SPTBN5: variants seen among roughly 807,000 people sequenced by gnomAD.
SPTBN5 encodes spectrin beta, non-erythrocytic 5.
SPTBN5 carries 513 observed loss-of-function variants against 477.6 expected under a neutral mutation model. The ratio of observed to expected loss-of-function variants is 1.07; its 90% CI spans 1.00 to 1.16. SPTBN5 has a LOEUF of 1.16. Among genes scored for constraint, SPTBN5 ranks in the 50% most tolerant of loss-of-function variants. The probability of loss-of-function intolerance (pLI) is 0.00; values close to 1 mark genes in which losing one functional copy is unlikely to be tolerated. For missense variants in SPTBN5, 5,062 were observed against 4,731.8 expected (o/e 1.07, Z -2.05); for synonymous variants, 2,169 against 2,011.7 (o/e 1.08, Z -2.09).
rs372580131 is a variant in SPTBN5, at chr15:41,851,139, G to A, written c.10755C>T (p.Ser3585=). The change falls in exon 65 of 68, where the codon TCC becomes TCT. Residue 3585 remains serine (S), a synonymous_variant. Coordinates refer to ENST00000320955, the MANE Select transcript of SPTBN5 (RefSeq NM_016642.4). The part of the protein sequence containing the change: ...DERMAAEKVA[S]IALLDLTGAR... The stretch of plus-strand genomic sequence containing the variant: ...CTCCCGTGAGGTCAAGGAGGGCTAT[G>A]GAAGCTACTTTCTGAGGAGAGATGA... The A allele has an allele frequency of 6.7e-5, 108 of 1,613,042 alleles. No homozygotes were observed. Among genetic ancestry groups the A allele is most frequent in the Non-Finnish European group, 8.7e-5 (103 of 1,179,772 alleles).
chr15:41,850,917 G>C lies in SPTBN5; in HGVS notation c.10858C>G (p.Leu3620Val), dbSNP rs573942893. Residue 3620 changes from leucine to valine, a missense_variant, in exon 66 of 68, where the codon CTG becomes GTG. Physicochemically the swap from Leu to Val is conservative, Grantham distance 32. Transcript: ENST00000320955. ...TGCTCTTCGGACGGTGCTGCAAACAGGATCTCTGCCCCACTGGTCAGCCTG... is the reference window on the plus strand; with the variant it reads ...TGCTCTTCGGACGGTGCTGCAAACACGATCTCTGCCCCACTGGTCAGCCTG... ...SLRLTSGAEI[L>V]FAAPSEEQAE... The C allele has an allele frequency of 1.4e-5, 22 of 1,601,556 alleles. No individual in the cohort carries two copies. The highest frequency in any genetic ancestry group is 1.8e-5 in the Non-Finnish European group (21 of 1,175,782).
At chr15:41,870,136 A>C in intron 31 of SPTBN5, 107 bp downstream of exon 31, 1 of 1,453,818 alleles carries the variant, frequency 6.9e-7, no homozygotes, top group Non-Finnish European at 9.1e-7. Flanking sequence ...CATGCACAGG[A>C]GGCCCATGGG....
rs761813223 is a variant in SPTBN5, at chr15:41,848,586, C to T, written c.*30G>A. The T allele has an allele frequency of 6.2e-7, 1 of 1,613,852 alleles. No homozygotes were observed. Among genetic ancestry groups the T allele is most frequent in the South Asian group, 1.1e-5 (1 of 91,074 alleles). The stretch of plus-strand genomic sequence containing the variant: ...CTTAGATGTGTCCTCGCTTGTGCCC[C>T]TGAAGTTTGGTGTTGCACTGGGGTT... On this transcript the variant is annotated 3_prime_UTR_variant, in exon 68 of 68. Coordinates refer to ENST00000320955, the MANE Select transcript of SPTBN5 (RefSeq NM_016642.4).
At chr15:41,874,757 ACC>A in intron 23 of SPTBN5, 83 bp downstream of exon 23, 1 of 1,374,764 alleles carries the variant, frequency 7.3e-7, no homozygotes, top group African/African-American at 1.4e-5. Context: ...AGGTCTGGAC[ACC>A]CCGGTCCTGT....
rs947342621 is a variant in SPTBN5 at position 41,885,940 on chromosome 15, C to T, written c.1315G>A (p.Glu439Lys). Residue 439 changes from glutamate to lysine, a missense_variant, in exon 7 of 68, where the codon GAG becomes AAG. By Grantham distance (56) the Glu-to-Lys change is moderately conservative. Transcript: ENST00000320955. ...TGCTCTGCATCCTTAAGGAAACTCT[C>T]CCGGAGGGCTGCCTTGTGCTGGAAG... ...RRFQHKAALR[E>K]SFLKDAEQVL... 1.3e-6 allele frequency: 2 copies of T among 1,571,772 alleles called. No individual in the cohort carries two copies.
At position 41,855,260 on chromosome 15, in the gene SPTBN5, C is replaced by T; in HGVS notation, c.9387G>A (p.Glu3129=). 1 of 1,612,506 alleles carries T rather than the reference C, an allele frequency of 6.2e-7. No homozygotes were observed. Among genetic ancestry groups the T allele is most frequent in the Non-Finnish European group, 8.5e-7 (1 of 1,179,694 alleles). Residue 3129 remains glutamate (E), a synonymous_variant, in exon 55 of 68, where the codon GAG becomes GAA. Transcript: ENST00000320955. ...CCAGGTCCTGCCCGTAGTCCTGGGA[C>T]TCGGCGGTGGCCGCCTTGGTGGTCA... is the stretch of plus-strand genomic sequence containing the variant. ...AWLTTKAATA[E]SQDYGQDLEG...
In SPTBN5 at chr15:41,860,681, C is replaced by T. The variant is rs1469261945; in HGVS notation, c.7893G>A (p.Lys2631=). The T allele has an allele frequency of 5.7e-6, 9 of 1,587,796 alleles. No individual in the cohort carries two copies. The highest frequency in any genetic ancestry group is 6.9e-6 in the Non-Finnish European group (8 of 1,167,674). ...LEWDLEVQAG[K]ISALEATARG... is the part of the protein sequence containing the mutation. ...GGGCCGTGGCCTCCAGAGCACTGAT[C>T]TTTCCCGCCTGCACCTCCAGGTCCC... Residue 2631 remains lysine (K), a synonymous_variant, in exon 47 of 68, where the codon AAG becomes AAA. Coordinates refer to ENST00000320955, the MANE Select transcript of SPTBN5 (RefSeq NM_016642.4).
rs1337456091 is a variant in SPTBN5 at position 41,848,588 on chromosome 15, G to GAAGT, written c.*24_*27dup. The GAAGT allele has an allele frequency of 1.9e-6, 3 of 1,613,826 alleles. No homozygotes were observed. The highest frequency in any genetic ancestry group is 1.1e-5 in the South Asian group (1 of 91,074). On this transcript the variant is annotated 3_prime_UTR_variant, in exon 68 of 68. Coordinates refer to ENST00000320955, the MANE Select transcript of SPTBN5 (RefSeq NM_016642.4). Reference sequence around the variant, plus strand: ...TAGATGTGTCCTCGCTTGTGCCCCTGAAGTTTGGTGTTGCACTGGGGTTCA... The same window carrying GAAGT: ...TAGATGTGTCCTCGCTTGTGCCCCTGAAGTAAGTTTGGTGTTGCACTGGGGTTCA...
chr15:41,866,123 A>G lies in SPTBN5; in HGVS notation c.6737T>C (p.Leu2246Pro). 6.4e-7 allele frequency: 1 copy of G among 1,558,774 alleles called. No homozygotes were observed. Among genetic ancestry groups the G allele is most frequent in the Non-Finnish European group, 8.7e-7 (1 of 1,152,140 alleles). Residue 2246 changes from leucine to proline, a missense_variant, in exon 38 of 68, where the codon CTC (leucine) becomes CCC (proline). By Grantham distance (98) the Leu-to-Pro change is moderately conservative. Transcript: ENST00000320955. ...CCTGTCCTCCAGCTCCTGGCCCCTG[A>G]GGGCCATTGCCTGCCTCAGGTCCTC... ...HWEDLRQAMA[L>P]RGQELEDRRN... is the part of the protein sequence containing the mutation.
At chr15:41,884,366 C>G (rs915490460) in intron 7 of SPTBN5, among the ~76,000 whole-genome samples, 1 of 151,972 alleles carries the variant, frequency 6.6e-6, no homozygotes, top group Non-Finnish European at 1.5e-5. Context: ...GTGATCCACC[C>G]GCCTTGGCCT....
intron 29 of SPTBN5, 22 bp from the exon 30 acceptor site, chr15:41,870,582 C>A (rs776086922): frequency 6.3e-7 from 1 of 1,591,070 alleles, no homozygotes; most frequent in South Asian, 1.1e-5. Flanking sequence ...GTGTGGAAGA[C>A]CAGCCGGGGA....
At chr15:41,857,868 C>G (rs1362807023) in intron 49 of SPTBN5, among the ~76,000 whole-genome samples, 158 bp from the exon 50 acceptor site, 1 of 152,192 alleles carries the variant, frequency 6.6e-6, no homozygotes, top group African/African-American at 2.4e-5. Context: ...TTTTCCTCAT[C>G]CGTATCATAG....
Position 41,882,265 on chromosome 15 carries a change from C to A in SPTBN5, c.2247+4G>T. 1 of 1,475,074 alleles carries A rather than the reference C, an allele frequency of 6.8e-7. No homozygotes were observed. Among genetic ancestry groups the A allele is most frequent in the South Asian group, 1.3e-5 (1 of 76,738 alleles). The allele number at this position is 1,475,074 out of a possible 1,614,324, so 91.4% of individuals were successfully genotyped here. On this transcript the variant is annotated splice_donor_region_variant and intron_variant, in intron 11 of 67. Coordinates refer to ENST00000320955, the MANE Select transcript of SPTBN5 (RefSeq NM_016642.4). ...CCCACCCCGCCTCCACCCCTCCCCA[C>A]TACCTGCAGGACCAGCAGGGCTGTC...
intron 17 of SPTBN5, 80 bp downstream of exon 17, chr15:41,878,262 T>G: frequency 6.6e-7 from 1 of 1,511,516 alleles, no homozygotes; most frequent in South Asian, 1.3e-5. Flanking sequence ...ACTTCCCGCA[T>G]GCTCTTTCTG....
At chr15:41,892,261 C>T (rs970055078) in intron 3 of SPTBN5, among the ~76,000 whole-genome samples, 5 of 152,186 alleles carry the variant, frequency 3.3e-5, no homozygotes, top group African/African-American at 1.2e-4. Context: ...GAGCCCTTGG[C>T]CTTCACAGTT....
chr15:41,856,752 C>T, intron 52 of SPTBN5, 101 bp downstream of exon 52: 1 of 1,380,984 alleles, frequency 7.2e-7, no homozygotes, highest in Non-Finnish European at 9.7e-7. Context: ...CAAAAGCCCC[C>T]ACAGGCAGAG....
At position 41,857,392 on chromosome 15, in the gene SPTBN5, C is replaced by A. The variant is rs912680802; in HGVS notation, c.8467G>T (p.Gly2823Cys). ...TCCCTCTGTGTGCCCAGGAGCTCGC[C>A]CACCCCAGGCAGGGCCTGGCCCACA... ...PTVGQALPGV[G>C]ELLGTQRELE... The change falls in exon 51 of 68, where the codon GGC becomes TGC. Residue 2823 changes from glycine (G) to cysteine (C), a missense_variant. Coordinates refer to ENST00000320955, the MANE Select transcript of SPTBN5 (RefSeq NM_016642.4). 1.4e-5 allele frequency: 22 copies of A among 1,586,064 alleles called. No individual in the cohort carries two copies. Among genetic ancestry groups the A allele is most frequent in the Non-Finnish European group, 1.9e-5 (22 of 1,166,310 alleles).
In SPTBN5 at chr15:41,887,880, G is replaced by A. The variant is rs1595515038; in HGVS notation, c.659+48C>T. 8.9e-6 allele frequency: 14 copies of A among 1,569,076 alleles called. No individual in the cohort carries two copies. The East Asian group carries it at 3.2e-4, about 36-fold the overall frequency. On this transcript the variant is annotated intron_variant, in intron 5 of 67. Coordinates refer to ENST00000320955, the MANE Select transcript of SPTBN5 (RefSeq NM_016642.4). Reference sequence around the variant, plus strand: ...GTGGGCTGAGGACCCAAACCCAGGAGCTGTTGGCTCAGTGGGCAGAGGCCT... The same window carrying A: ...GTGGGCTGAGGACCCAAACCCAGGAACTGTTGGCTCAGTGGGCAGAGGCCT...
In SPTBN5 at chr15:41,880,264, T is replaced by G. The variant is rs1269555813; in HGVS notation, c.2707A>C (p.Ser903Arg). 1.9e-6 allele frequency: 3 copies of G among 1,607,748 alleles called. No individual in the cohort carries two copies. In the East Asian group the frequency reaches 6.7e-5, roughly 36 times the overall value. The change falls in exon 14 of 68, where the codon AGT (serine) becomes CGT (arginine). Residue 903 changes from serine to arginine, a missense_variant. Transcript: ENST00000320955. ...CACAACTGGAGCTCCCCACAGGAAC[T>G]GCAGAAACCGAACAGGGCCATGGCC... is the stretch of plus-strand genomic sequence containing the variant. ...EEAMALFGFC[S>R]SCGELQLWLE... is the part of the protein sequence containing the mutation.
Sources: allele counts gnomAD v4.1 joint callset (sites outside exome capture counted in the v4.1 genomes callset), GRCh38; gene constraint gnomAD v4.1.1; transcripts MANE v1.5; gene names NCBI Gene and HGNC (gene_info 2026-07-23, HGNC 2026-07-21).